HTR1F: variants seen among roughly 807,000 people sequenced by gnomAD.
HTR1F encodes 5-hydroxytryptamine receptor 1F, also known as 5-hydroxytryptamine (serotonin) receptor 1F, G protein-coupled.
HTR1F carries 17 observed loss-of-function variants against 24.0 expected under a neutral mutation model. The ratio of observed to expected loss-of-function variants is 0.71; its 90% CI spans 0.48 to 1.06. The LOEUF (loss-of-function observed/expected upper bound fraction) is 1.06, where lower values mean the gene tolerates loss of function less well. Ranked by LOEUF, HTR1F falls within the 50% of genes least tolerant of loss-of-function variation. HTR1F has a pLI of 0.00. For synonymous variants in HTR1F, 186 were observed against 156.8 expected, an observed-to-expected ratio of 1.19 and a Z score of -1.39; for missense variants, 391 against 427.8, an observed-to-expected ratio of 0.91 and a Z score of 0.76.
chr3:87,960,094 T>C (rs759635548), intron 2 of HTR1F, among the ~76,000 whole-genome samples: 2 of 151,580 alleles, frequency 1.3e-5, no homozygotes, highest in Non-Finnish European at 2.9e-5. Flanking sequence ...CTAGGTAGTG[T>C]TTTAAAATCC....
At chr3:87,871,646 T>A (rs1249092949) in intron 2 of HTR1F, among the ~76,000 whole-genome samples, 1 of 151,692 alleles carries the variant, frequency 6.6e-6, no homozygotes, top group Admixed American at 6.6e-5. Context: ...CAAAAAAAAA[T>A]TATCTTGAAA....
intron 2 of HTR1F, among the ~76,000 whole-genome samples, chr3:87,925,370 C>G (rs1975095): frequency 0.44 from 66,570 of 151,802 alleles, 15,593 homozygotes; most frequent in African/African-American, 0.61. Flanking sequence ...GGGATGTCTT[C>G]TCAGTTACTT....
chr3:87,975,410 AG>A (rs1240575103), intron 2 of HTR1F, among the ~76,000 whole-genome samples: 1 of 152,206 alleles, frequency 6.6e-6, no homozygotes, highest in Non-Finnish European at 1.5e-5. Context: ...AATGGTAAAA[AG>A]AATGTTAAGT....
At chr3:87,910,733 C>T (rs1214188356) in intron 2 of HTR1F, among the ~76,000 whole-genome samples, 2 of 151,992 alleles carry the variant, frequency 1.3e-5, no homozygotes, top group African/African-American at 2.4e-5. Context: ...TAAAACAATC[C>T]TCAGCAAATT....
At chr3:87,821,899 G>T (rs745510152) in intron 1 of HTR1F, among the ~76,000 whole-genome samples, 109 bp from the exon 2 acceptor site, 3 of 152,152 alleles carry the variant, frequency 2.0e-5, no homozygotes, top group Non-Finnish European at 4.4e-5. Context: ...CAGAGAGGGG[G>T]AAAGAAAGGT....
intron 2 of HTR1F, among the ~76,000 whole-genome samples, chr3:87,888,427 C>G (rs577769302): frequency 6.6e-6 from 1 of 151,786 alleles, no homozygotes; most frequent in East Asian, 1.9e-4. Context: ...AATACCAAAC[C>G]TGCACATTGT....
At chr3:87,813,720 G>A (rs745835577) in intron 1 of HTR1F, among the ~76,000 whole-genome samples, 9 of 152,152 alleles carry the variant, frequency 5.9e-5, no homozygotes, top group Non-Finnish European at 1.2e-4. Context: ...GAGGTGATTG[G>A]ATTATGGGGG....
intron 2 of HTR1F, among the ~76,000 whole-genome samples, chr3:87,852,801 T>C (rs1177527203): frequency 6.6e-6 from 1 of 151,762 alleles, no homozygotes; most frequent in Non-Finnish European, 1.5e-5. Context: ...GTGAGAAATT[T>C]GTTTTATGTG....
chr3:87,884,877 T>C (rs189703034), intron 2 of HTR1F, among the ~76,000 whole-genome samples: 4 of 152,084 alleles, frequency 2.6e-5, no homozygotes, highest in African/African-American at 9.7e-5. Context: ...AAAAGACTTA[T>C]ACTCCCACAC....
chr3:87,988,228 T>C (rs1490078879), intron 2 of HTR1F, among the ~76,000 whole-genome samples: 2 of 152,066 alleles, frequency 1.3e-5, no homozygotes, highest in African/African-American at 4.8e-5. Context: ...AGAACCACTT[T>C]TTTAGAGTTT....
chr3:87,904,054 G>A (rs1703597566), intron 2 of HTR1F, among the ~76,000 whole-genome samples: 1 of 152,042 alleles, frequency 6.6e-6, no homozygotes, highest in African/African-American at 2.4e-5. Flanking sequence ...AACACAAAAT[G>A]AAGAAAAGAC....
At chr3:87,911,893 A>T (rs1703785835) in intron 2 of HTR1F, among the ~76,000 whole-genome samples, 1 of 152,162 alleles carries the variant, frequency 6.6e-6, no homozygotes, top group Non-Finnish European at 1.5e-5. Context: ...ACCCTCAATA[A>T]ACTGGGTATC....
chr3:87,820,100 A>G (rs1704326163), intron 1 of HTR1F, among the ~76,000 whole-genome samples: 1 of 152,140 alleles, frequency 6.6e-6, no homozygotes, highest in African/African-American at 2.4e-5. Flanking sequence ...CTAAATCCTA[A>G]AACATGATGA....
At chr3:87,845,320 A>G (rs1326864183) in intron 2 of HTR1F, among the ~76,000 whole-genome samples, 1 of 151,838 alleles carries the variant, frequency 6.6e-6, no homozygotes, top group Non-Finnish European at 1.5e-5. Flanking sequence ...ACATGATTGT[A>G]TATCTAGAAA....
chr3:87,943,659 C>A (rs1252339516), intron 2 of HTR1F, among the ~76,000 whole-genome samples: 1 of 152,076 alleles, frequency 6.6e-6, no homozygotes, highest in Non-Finnish European at 1.5e-5. Context: ...TACATAATTG[C>A]GAGTTGTCTC....
chr3:87,873,095 T>TACACACAC (rs61407734), intron 2 of HTR1F, among the ~76,000 whole-genome samples: 8 of 135,134 alleles, frequency 5.9e-5, no homozygotes, highest in South Asian at 5.0e-4. Flanking sequence ...CATGCATACA[T>TACACACAC]ACACACACAC....
At chr3:87,830,972 C>T (rs1704561471) in intron 2 of HTR1F, among the ~76,000 whole-genome samples, 1 of 152,030 alleles carries the variant, frequency 6.6e-6, no homozygotes, top group Non-Finnish European at 1.5e-5. Flanking sequence ...AATAATATTA[C>T]GTGGAGTTCC....
chr3:87,928,276 C>G (rs1289461413), intron 2 of HTR1F, among the ~76,000 whole-genome samples: 1 of 152,040 alleles, frequency 6.6e-6, no homozygotes, highest in African/African-American at 2.4e-5. Context: ...AAACTCCTGT[C>G]CTCAAGTGAT....
chr3:87,943,071 CCT>C (rs1704609517), intron 2 of HTR1F, among the ~76,000 whole-genome samples: 1 of 151,832 alleles, frequency 6.6e-6, no homozygotes. Context: ...CCTTAGTCCT[CCT>C]AGCACGCAAG....
Sources: allele counts gnomAD v4.1 joint callset (sites outside exome capture counted in the v4.1 genomes callset), GRCh38; gene constraint gnomAD v4.1.1; transcripts MANE v1.5; gene names NCBI Gene and HGNC (gene_info 2026-07-23, HGNC 2026-07-21).